The following SETD1A variants were observed in gnomAD, a reference collection of about 807,000 sequenced individuals.
The protein encoded by SETD1A is SET domain containing 1A, histone lysine methyltransferase, also known as histone-lysine N-methyltransferase SETD1A.
In SETD1A, 29 loss-of-function variants were observed where a neutral mutation model predicts 149.9. The ratio of observed to expected loss-of-function variants is 0.19; its 90% CI spans 0.14 to 0.26. SETD1A has a LOEUF of 0.26. Among genes scored for constraint, SETD1A ranks in the 10% least tolerant of loss-of-function variants. The pLI is 1.00. For synonymous variants in SETD1A, 1,141 were observed against 968.5 expected (o/e 1.18, Z -3.31); for missense variants, 2,109 against 2,353.1 (o/e 0.90, Z 2.15).
At chr16:30,972,729 C>T (rs2056240528) in intron 13 of SETD1A, among the ~76,000 whole-genome samples, 1 of 151,436 alleles carries the variant, frequency 6.6e-6, no homozygotes. Context: ...TGGCGCACAC[C>T]TGTGATCCCA....
chr16:30,967,842 C>T (rs1049134889), intron 10 of SETD1A, among the ~76,000 whole-genome samples: 1 of 152,166 alleles, frequency 6.6e-6, no homozygotes, highest in Admixed American at 6.5e-5. Flanking sequence ...AATTCAGTGT[C>T]TGGAATCACA....
In SETD1A at chr16:30,974,794, G is replaced by A. The variant is rs530184736; in HGVS notation, c.3358+3075G>A. 6.6e-5 allele frequency among the ~76,000 whole-genome samples: 10 copies of A among 151,946 alleles called. No homozygotes were observed. In the South Asian group the frequency reaches 1.7e-3, roughly 25 times the overall value. On this transcript the variant is annotated intron_variant, in intron 13 of 18. Coordinates refer to ENST00000262519, the MANE Select transcript of SETD1A (RefSeq NM_014712.3). ...GGCTGAGGTGGGCAGATCACTTGAC[G>A]TCAGGAGTTCGAGACCAGTCTAGCC...
In SETD1A at chr16:30,983,595, T is replaced by G; in HGVS notation, c.4813-40T>G. ...GGCAGGCGTGCTCAGGGGCAGGAAG[T>G]GGGGGACTCTTCCCTGACCATCGCA... On this transcript the variant is annotated intron_variant, in intron 17 of 18. Transcript: ENST00000262519. This position sits in a 1 kb window ranked among gnomAD's most constrained non-coding sequence, Gnocchi z 6.8. 1 of 1,593,942 alleles carries G rather than the reference T, an allele frequency of 6.3e-7. No individual in the cohort carries two copies. Among genetic ancestry groups the G allele is most frequent in the Non-Finnish European group, 8.5e-7 (1 of 1,172,420 alleles).
At chr16:30,958,929 G>C in intron 2 of SETD1A, 48 bp downstream of exon 2, 1 of 1,607,326 alleles carries the variant, frequency 6.2e-7, no homozygotes, top group Non-Finnish European at 8.5e-7. Context: ...CCAGGCGCCC[G>C]TCCTCTGTGA....
rs1183631236 is a variant in SETD1A at position 30,961,414 on chromosome 16, C to T, written c.394C>T (p.Arg132Cys). 5 of 1,614,068 alleles carry T rather than the reference C, an allele frequency of 3.1e-6. No homozygotes were observed. Among genetic ancestry groups the T allele is most frequent in the African/African-American group, 1.3e-5 (1 of 74,898 alleles). ...AGAGATCCTCCTTCACCCCCGTACG[C>T]GCAAGCACCTGGGCCTGGCCCGTGT... ...EVEILLHPRT[R>C]KHLGLARVLF... The change falls in exon 4 of 19, where the codon CGC (arginine) becomes TGC (cysteine). Residue 132 changes from arginine (R) to cysteine (C), a missense_variant. Physicochemically the swap from Arg to Cys is radical, Grantham distance 180 (BLOSUM62 -3). Transcript: ENST00000262519. The surrounding 1 kb of genome is among the most constrained non-coding windows in gnomAD (Gnocchi z 4.0).
chr16:30,967,046 C>A lies in SETD1A; in HGVS notation c.2668C>A (p.Leu890Met). ...FGSGLRGALR[L>M]PSFKVKRKEP... ...GTCAGGGCTGAGAGGGGCCCTGCGGCTGCCTTCATTCAAGGTACTCAGAAC... is the reference window on the plus strand; with the variant it reads ...GTCAGGGCTGAGAGGGGCCCTGCGGATGCCTTCATTCAAGGTACTCAGAAC... The change falls in exon 9 of 19, where the codon CTG becomes ATG. Residue 890 changes from leucine (L) to methionine (M), a missense_variant. By Grantham distance (15) the Leu-to-Met change is conservative. Around this residue, in one of 8 missense-constraint regions of SETD1A, gnomAD observed 832 missense variants for 815.6 expected, o/e 1.02. Transcript: ENST00000262519. 6.3e-7 allele frequency: 1 copy of A among 1,590,324 alleles called. No homozygotes were observed. Among genetic ancestry groups the A allele is most frequent in the Non-Finnish European group, 8.5e-7 (1 of 1,170,162 alleles).
At position 30,979,210 on chromosome 16, in the gene SETD1A, G is replaced by T. The variant is rs2056327932; in HGVS notation, c.3424G>T (p.Ala1142Ser). 1.3e-5 allele frequency: 20 copies of T among 1,584,946 alleles called. 1 individual carries two copies. The South Asian group carries it at 2.2e-4, about 17-fold the overall frequency. ...RPPEPPAGPP[A>S]PAPRPDERPS... is the part of the protein sequence containing the mutation. ...CCCAGAACCACCTGCTGGGCCCCCG[G>T]CCCCTGCCCCACGCCCCGATGAGCG... The change falls in exon 14 of 19, where the codon GCC becomes TCC. Residue 1142 changes from alanine to serine, a missense_variant. This residue lies in a region of SETD1A where 832 missense variants were observed against 815.6 expected (regional missense o/e 1.02). Transcript: ENST00000262519.
At chr16:30,960,578 C>CT (rs2056037477) in intron 3 of SETD1A, among the ~76,000 whole-genome samples, 1 of 152,172 alleles carries the variant, frequency 6.6e-6, no homozygotes, top group Non-Finnish European at 1.5e-5. Context: ...TGCTGCTTTT[C>CT]TGTATGGGAA....
rs764843211 is a variant in SETD1A at position 30,981,051 on chromosome 16, T to G, written c.4693-10T>G. ...GTGTCTGGCAGTTGAGTCTCCCTTC[T>G]GCCCCCCAGTTCCGGAAGAAGAAGC... On this transcript the variant is annotated splice_polypyrimidine_tract_variant and intron_variant, in intron 16 of 18. Coordinates refer to ENST00000262519, the MANE Select transcript of SETD1A (RefSeq NM_014712.3). 6.2e-7 allele frequency: 1 copy of G among 1,614,012 alleles called. No homozygotes were observed. Among genetic ancestry groups the G allele is most frequent in the Admixed American group, 1.7e-5 (1 of 60,014 alleles).
At position 30,965,638 on chromosome 16, in the gene SETD1A, C is replaced by A. The variant is rs757981330; in HGVS notation, c.1757C>A (p.Ser586Tyr). 12 of 1,611,944 alleles carry A rather than the reference C, an allele frequency of 7.4e-6. No homozygotes were observed. The highest frequency in any genetic ancestry group is 1.7e-5 in the Admixed American group (1 of 59,822). Residue 586 changes from serine to tyrosine, a missense_variant, in exon 8 of 19, where the codon TCC becomes TAC. Ser to Tyr is a moderately radical substitution (Grantham distance 144). This residue lies in a region of SETD1A where 431 missense variants were observed against 388.6 expected (regional missense o/e 1.11). Coordinates refer to ENST00000262519, the MANE Select transcript of SETD1A (RefSeq NM_014712.3). ...TCTTCTGGAGACGACATGGAGATCTCCGACGACGACCGGGGTGGCTCACCC... is the reference window on the plus strand; with the variant it reads ...TCTTCTGGAGACGACATGGAGATCTACGACGACGACCGGGGTGGCTCACCC... ...PCSSGDDMEI[S>Y]DDDRGGSPPP...
chr16:30,964,916 C>A lies in SETD1A; in HGVS notation c.1174C>A (p.Pro392Thr), dbSNP rs771871764. ...ACCACGCCGGGCCACACGGGAGGAA[C>A]CCCCTGGAGCCCCTTTTGCTGAAAA... ...YPPRRATREE[P>T]PGAPFAENTA... is the part of the protein sequence containing the mutation. The change falls in exon 7 of 19, where the codon CCC becomes ACC. Residue 392 changes from proline (P) to threonine (T), a missense_variant. By Grantham distance (38) the Pro-to-Thr change is conservative (BLOSUM62 -1). Transcript: ENST00000262519. The A allele has an allele frequency of 6.2e-7, 1 of 1,614,018 alleles. No homozygotes were observed. The highest frequency in any genetic ancestry group is 1.1e-5 in the South Asian group (1 of 91,086).
chr16:30,961,627 T>C lies in SETD1A; in HGVS notation c.517+90T>C. ...GTCAGGGTCAGGCAGGCGCCCAGGG[T>C]CATGATCTGAAACTGCTGGGGCCAG... is the stretch of plus-strand genomic sequence containing the variant. On this transcript the variant is annotated intron_variant, in intron 4 of 18. Transcript: ENST00000262519. The surrounding 1 kb of genome is among the most constrained non-coding windows in gnomAD (Gnocchi z 4.0). The C allele has an allele frequency of 1.6e-6, 2 of 1,267,458 alleles. No homozygotes were observed. The highest frequency in any genetic ancestry group is 2.6e-5 in the South Asian group (2 of 77,016). The allele number at this position is 1,267,458 out of a possible 1,614,324, so 78.5% of individuals were successfully genotyped here. A position where few individuals can be genotyped will look rare whatever the true frequency, so the allele number is the denominator to read the frequency against.
In SETD1A at chr16:30,971,655, A is replaced by G. The variant is rs2143538564; in HGVS notation, c.3294A>G (p.Glu1098=). The change falls in exon 13 of 19, where the codon GAA becomes GAG. Residue 1098 remains glutamate, a synonymous_variant. Coordinates refer to ENST00000262519, the MANE Select transcript of SETD1A (RefSeq NM_014712.3). ...TPAPVEVPVP[E]RVAGSPVTPL... is the part of the protein sequence containing the mutation. The stretch of plus-strand genomic sequence containing the variant: ...CACCTGTGGAGGTGCCAGTGCCGGA[A>G]AGGGTTGCAGGCTCCCCAGTCACAC... 6.2e-7 allele frequency: 1 copy of G among 1,610,656 alleles called. No individual in the cohort carries two copies. The highest frequency in any genetic ancestry group is 8.5e-7 in the Non-Finnish European group (1 of 1,177,620).
rs73526702 is a variant in SETD1A, at chr16:30,981,208, G to A, written c.4812+28G>A. 397 of 1,612,542 alleles carry A rather than the reference G, an allele frequency of 2.5e-4. No homozygotes were observed. The African/African-American group carries it at 4.6e-3, about 19-fold the overall frequency. On this transcript the variant is annotated intron_variant, in intron 17 of 18. Coordinates refer to ENST00000262519, the MANE Select transcript of SETD1A (RefSeq NM_014712.3). ...GAGGCTGCACTCCCAGCCCCGCCCCGGCTTCTGATGCAACAAGACAGCATG... is the reference window on the plus strand; with the variant it reads ...GAGGCTGCACTCCCAGCCCCGCCCCAGCTTCTGATGCAACAAGACAGCATG...
At position 30,980,862 on chromosome 16, in the gene SETD1A, T is replaced by G; in HGVS notation, c.4692+13T>G. On this transcript the variant is annotated intron_variant, in intron 16 of 18. Transcript: ENST00000262519. The surrounding 1 kb of genome is among the most constrained non-coding windows in gnomAD (Gnocchi z 7.7). ...CAACCAGCTCAAGGTGAGGCTGGGC[T>G]GCAGGAGGGGCTGGGTGGGGTGGGG... 2.1e-6 allele frequency: 1 copy of G among 485,732 alleles called. No individual in the cohort carries two copies. Among genetic ancestry groups the G allele is most frequent in the African/African-American group, 3.2e-5 (1 of 31,060 alleles). 30.1% of individuals were successfully genotyped at this position (485,732 alleles called of 1,614,324 possible). A position where few individuals can be genotyped will look rare whatever the true frequency, so the allele number is the denominator to read the frequency against.
At chr16:30,975,679 C>G (rs2056276590) in intron 13 of SETD1A, among the ~76,000 whole-genome samples, 1 of 151,748 alleles carries the variant, frequency 6.6e-6, no homozygotes, top group African/African-American at 2.4e-5. Flanking sequence ...TATCAGCCCA[C>G]TTTGGCCTCC....
At position 30,963,504 on chromosome 16, in the gene SETD1A, G is replaced by A. The variant is rs1567350926; in HGVS notation, c.589G>A (p.Gly197Ser). ...SYTPQTVPTG[G>S]KALSEKFQGS... ...CACCCCTCAGACTGTGCCCACTGGGGGCAAGGCCCTGAGTGAGAAGTTCCA... is the reference window on the plus strand; with the variant it reads ...CACCCCTCAGACTGTGCCCACTGGGAGCAAGGCCCTGAGTGAGAAGTTCCA... The change falls in exon 5 of 19, where the codon GGC (glycine) becomes AGC (serine). Residue 197 changes from glycine to serine, a missense_variant. Coordinates refer to ENST00000262519, the MANE Select transcript of SETD1A (RefSeq NM_014712.3). The A allele has an allele frequency of 1.2e-6, 2 of 1,613,690 alleles. No homozygotes were observed. The highest frequency in any genetic ancestry group is 1.1e-5 in the South Asian group (1 of 91,020).
Position 30,979,174 on chromosome 16 carries a change from C to A in SETD1A, c.3388C>A (p.Pro1130Thr). The part of the protein sequence containing the change: ...GPTEESPPSA[P>T]LRPPEPPAGP... Reference sequence around the variant, plus strand: ...CACGGAGGAGTCACCCCCCAGTGCGCCTCTGCGTCCCCCAGAACCACCTGC... The same window carrying A: ...CACGGAGGAGTCACCCCCCAGTGCGACTCTGCGTCCCCCAGAACCACCTGC... Residue 1130 changes from proline to threonine, a missense_variant, in exon 14 of 19, where the codon CCT (proline) becomes ACT (threonine). Pro to Thr is a conservative substitution (Grantham distance 38, BLOSUM62 -1). Around this residue, in one of 8 missense-constraint regions of SETD1A, gnomAD observed 832 missense variants for 815.6 expected, o/e 1.02. Transcript: ENST00000262519. The A allele has an allele frequency of 6.3e-7, 1 of 1,582,772 alleles. No individual in the cohort carries two copies. Among genetic ancestry groups the A allele is most frequent in the East Asian group, 2.3e-5 (1 of 43,708 alleles).
intron 12 of SETD1A, 137 bp from the exon 13 acceptor site, chr16:30,971,241 A>C: frequency 1.2e-6 from 1 of 855,038 alleles, no homozygotes; most frequent in East Asian, 2.7e-5. Flanking sequence ...TGGTTTGCTT[A>C]TGCAGCTCCT....
Sources: gnomAD v4.1 joint callset for allele counts (sites outside exome capture counted in the v4.1 genomes callset) on GRCh38, gnomAD v4.1.1 for gene constraint, gnomAD v4.1.1 regional missense constraint, Gnocchi (gnomAD v3.1) non-coding constraint, MANE v1.5 for transcripts, NCBI Gene and HGNC (gene_info 2026-07-23, HGNC 2026-07-21) for gene names.